MARCHF1: variants seen among roughly 807,000 people sequenced by gnomAD.
The protein encoded by MARCHF1 is E3 ubiquitin-protein ligase MARCHF1.
Under a neutral mutation model 54.2 loss-of-function variants are expected in MARCHF1, and 40 were observed. The ratio of observed to expected loss-of-function variants is 0.74; its 90% CI spans 0.57 to 0.96. MARCHF1 has a LOEUF of 0.96. Among genes scored for constraint, MARCHF1 ranks in the 40% least tolerant of loss-of-function variants. The pLI is 0.00. For missense variants in MARCHF1, 586 were observed against 656.5 expected (o/e 0.89, Z 1.17); for synonymous variants, 236 against 236.3 (o/e 1.00, Z 0.01).
chr4:163,821,618 G>A (rs2111054877), intron 4 of MARCHF1, among the ~76,000 whole-genome samples: 1 of 152,040 alleles, frequency 6.6e-6, no homozygotes, highest in African/African-American at 2.4e-5. Flanking sequence ...ATTAGAAAGT[G>A]ACTGCTTTAA....
intron 1 of MARCHF1, among the ~76,000 whole-genome samples, chr4:164,168,854 ATCT>A (rs1317738162): frequency 2.0e-5 from 3 of 152,050 alleles, no homozygotes; most frequent in Non-Finnish European, 2.9e-5. Context: ...TGATTATGAC[ATCT>A]TTTTTATGTT....
intron 1 of MARCHF1, among the ~76,000 whole-genome samples, chr4:164,172,787 C>T (rs2110980966): frequency 6.6e-6 from 1 of 152,226 alleles, no homozygotes; most frequent in Admixed American, 6.5e-5. Flanking sequence ...ACCATCCTGG[C>T]TAACACGGTG....
chr4:163,754,544 G>C (rs1489930394), intron 4 of MARCHF1, among the ~76,000 whole-genome samples: 1 of 152,160 alleles, frequency 6.6e-6, no homozygotes. Context: ...ATGAAAAGCT[G>C]ATAAGATGTA....
chr4:163,755,760 A>G (rs1402725561), intron 4 of MARCHF1, among the ~76,000 whole-genome samples: 6 of 152,188 alleles, frequency 3.9e-5, no homozygotes, highest in Non-Finnish European at 2.9e-5. Context: ...ACAGCAAAGA[A>G]TATAAATTTT....
At chr4:163,747,666 A>G (rs1252484306) in intron 4 of MARCHF1, among the ~76,000 whole-genome samples, 3 of 152,242 alleles carry the variant, frequency 2.0e-5, no homozygotes, top group Non-Finnish European at 4.4e-5. Context: ...CTAAAATAAC[A>G]TAACAATATA....
rs71595261 is a variant in MARCHF1 at position 164,176,980 on chromosome 4, C to CTATATA, written c.-322-65324_-322-65319dup. 8.8e-4 allele frequency among the ~76,000 whole-genome samples: 52 copies of CTATATA among 58,890 alleles called. 1 individual carries two copies. The highest frequency in any genetic ancestry group is 8.1e-3 in the East Asian group (16 of 1,974). 38.6% of individuals were successfully genotyped at this position (58,890 alleles called of 152,430 possible). A position where few individuals can be genotyped will look rare whatever the true frequency, so the allele number is the denominator to read the frequency against. Reference sequence around the variant, plus strand: ...TCTCTCTCTCTCTCTCTCTCTCTCTCTATATATATATATATATATATATAT... The same window carrying CTATATA: ...TCTCTCTCTCTCTCTCTCTCTCTCTCTATATATATATATATATATATATATATATAT... On this transcript the variant is annotated intron_variant, in intron 1 of 9. Transcript: ENST00000514618.
chr4:164,178,717 C>A (rs1289537193), intron 1 of MARCHF1, among the ~76,000 whole-genome samples: 1 of 152,026 alleles, frequency 6.6e-6, no homozygotes, highest in East Asian at 1.9e-4. Context: ...TCTTAAAATG[C>A]AGCTTAATGT....
chr4:163,535,931 C>T (rs1321914078), intron 9 of MARCHF1, among the ~76,000 whole-genome samples: 1 of 152,024 alleles, frequency 6.6e-6, no homozygotes, highest in East Asian at 1.9e-4. Context: ...GAGTGGGGTG[C>T]TTCTGACTTT....
intron 8 of MARCHF1, among the ~76,000 whole-genome samples, chr4:163,570,485 C>T (rs2110751283): frequency 1.3e-5 from 2 of 152,218 alleles, no homozygotes; most frequent in Admixed American, 1.3e-4. Flanking sequence ...ACTGGACTCA[C>T]CCAAAGCCAC....
chr4:163,959,349 A>G (rs1021975702), intron 3 of MARCHF1, among the ~76,000 whole-genome samples: 1 of 151,734 alleles, frequency 6.6e-6, no homozygotes, highest in African/African-American at 2.4e-5. Flanking sequence ...AAAACAACAA[A>G]AAAACAAAAA....
intron 3 of MARCHF1, among the ~76,000 whole-genome samples, chr4:163,946,158 G>A (rs576587806): frequency 2.6e-4 from 40 of 152,254 alleles, no homozygotes; most frequent in African/African-American, 9.6e-4. Context: ...TGGTATATCA[G>A]TGAAAATAAA....
At chr4:163,891,502 A>G (rs904803752) in intron 3 of MARCHF1, among the ~76,000 whole-genome samples, 11 of 151,994 alleles carry the variant, frequency 7.2e-5, no homozygotes, top group South Asian at 2.1e-4. Flanking sequence ...ACAAAGGAGC[A>G]CTTTTGCCTA....
chr4:163,626,341 G>A (rs1360604884), intron 5 of MARCHF1, among the ~76,000 whole-genome samples: 2 of 152,102 alleles, frequency 1.3e-5, no homozygotes, highest in East Asian at 1.9e-4. Context: ...AATTAATTAC[G>A]GTTTCAAAAG....
chr4:163,633,359 A>C (rs1270956813), intron 5 of MARCHF1, among the ~76,000 whole-genome samples: 1 of 152,150 alleles, frequency 6.6e-6, no homozygotes, highest in African/African-American at 2.4e-5. Flanking sequence ...AAAAATTTAG[A>C]AGAATGTATA....
chr4:163,683,549 C>A (rs1341208611), intron 5 of MARCHF1, among the ~76,000 whole-genome samples: 1 of 152,074 alleles, frequency 6.6e-6, no homozygotes, highest in African/African-American at 2.4e-5. Context: ...CTAACCAAAT[C>A]TTGACAGTAA....
intron 1 of MARCHF1, among the ~76,000 whole-genome samples, chr4:164,131,219 T>C (rs1199191900): frequency 6.6e-6 from 1 of 152,088 alleles, no homozygotes; most frequent in Non-Finnish European, 1.5e-5. Context: ...CTGGGAGACA[T>C]GGAGCTAGAA....
chr4:163,579,471 G>A (rs1307880926), intron 8 of MARCHF1, among the ~76,000 whole-genome samples: 1 of 152,090 alleles, frequency 6.6e-6, no homozygotes, highest in Non-Finnish European at 1.5e-5. Context: ...TAGCATACTA[G>A]ACTCCTCCTT....
At position 164,074,074 on chromosome 4, in the gene MARCHF1, A is replaced by G. The variant is rs149618890; in HGVS notation, c.-248+37514T>C. 2.5e-4 allele frequency among the ~76,000 whole-genome samples: 38 copies of G among 152,326 alleles called. No individual in the cohort carries two copies. The East Asian group carries it at 4.6e-3, about 19-fold the overall frequency. ...AGTATATTCCCTGAGATCTTGCTAT[A>G]TATCAATTGTTTTGCTAGGAACTTT... On this transcript the variant is annotated intron_variant, in intron 2 of 9. Transcript: ENST00000514618.
At chr4:163,990,591 C>T (rs1424014245) in intron 2 of MARCHF1, among the ~76,000 whole-genome samples, 1 of 152,136 alleles carries the variant, frequency 6.6e-6, no homozygotes, top group African/African-American at 2.4e-5. Flanking sequence ...GACTAAAAAG[C>T]CAGCCTTTGC....
Sources: gnomAD v4.1 joint callset for allele counts (sites outside exome capture counted in the v4.1 genomes callset) on GRCh38, gnomAD v4.1.1 for gene constraint, MANE v1.5 for transcripts, NCBI Gene and HGNC (gene_info 2026-07-23, HGNC 2026-07-21) for gene names.